Variants in RUNDC3B observed in about 807,000 individuals in gnomAD.
RUNDC3B encodes RUN domain-containing protein 3B.
A neutral mutation model predicts 58.4 loss-of-function variants in RUNDC3B; 33 were observed. The ratio of observed to expected loss-of-function variants is 0.56; its 90% CI spans 0.43 to 0.75. The LOEUF is 0.75. Among genes scored for constraint, RUNDC3B ranks in the 30% least tolerant of loss-of-function variants. The pLI, the probability that RUNDC3B is intolerant of heterozygous loss-of-function variation, is 0.00. For synonymous variants in RUNDC3B, 193 were observed against 195.2 expected (o/e 0.99, Z 0.10); for missense variants, 501 against 535.7 (o/e 0.94, Z 0.64).
Position 87,711,067 on chromosome 7 carries a change from C to T in RUNDC3B, c.458+412C>T, listed in dbSNP as rs10274678. 6.6e-3 allele frequency among the ~76,000 whole-genome samples: 999 copies of T among 152,110 alleles called. 11 individuals are homozygous for T. The highest frequency in any genetic ancestry group is 0.023 in the African/African-American group (959 of 41,492). ...ATTGGCCGGGCACGGTGGCTCACAC[C>T]TATAATCCCAGCACTTTGGGAGGCC... On this transcript the variant is annotated intron_variant, in intron 4 of 10. Coordinates refer to ENST00000394654, the MANE Select transcript of RUNDC3B (RefSeq NM_001134405.2).
intron 2 of RUNDC3B, among the ~76,000 whole-genome samples, chr7:87,678,289 G>T (rs1018392810): frequency 6.6e-6 from 1 of 152,170 alleles, no homozygotes; most frequent in Non-Finnish European, 1.5e-5. Flanking sequence ...TTATGGCATT[G>T]CTGGGGAAGG....
intron 2 of RUNDC3B, among the ~76,000 whole-genome samples, chr7:87,661,599 C>T (rs898156315): frequency 6.6e-6 from 1 of 151,850 alleles, no homozygotes; most frequent in African/African-American, 2.4e-5. Flanking sequence ...ATGATAGGAT[C>T]TCATTTTTTT....
At chr7:87,723,108 AAGT>A (rs1370222066) in intron 4 of RUNDC3B, among the ~76,000 whole-genome samples, 2 of 152,230 alleles carry the variant, frequency 1.3e-5, no homozygotes, top group Non-Finnish European at 2.9e-5. Flanking sequence ...TGAAACATAA[AAGT>A]AGGAGAATGC....
At chr7:87,783,607 T>C (rs1325579038) in intron 8 of RUNDC3B, among the ~76,000 whole-genome samples, 2 of 152,222 alleles carry the variant, frequency 1.3e-5, no homozygotes, top group African/African-American at 2.4e-5. Context: ...GCAGGCTATG[T>C]ATTTAAGTGT....
chr7:87,782,611 T>A (rs1392832261), intron 8 of RUNDC3B, among the ~76,000 whole-genome samples: 1 of 152,144 alleles, frequency 6.6e-6, no homozygotes, highest in South Asian at 2.1e-4. Context: ...CATTTAGTGA[T>A]AAAAACTTTT....
At chr7:87,726,802 C>T (rs1462918022) in intron 4 of RUNDC3B, among the ~76,000 whole-genome samples, 1 of 152,184 alleles carries the variant, frequency 6.6e-6, no homozygotes, top group Non-Finnish European at 1.5e-5. Context: ...AGGTCCTTCA[C>T]ATCCCTTGTA....
intron 2 of RUNDC3B, among the ~76,000 whole-genome samples, chr7:87,693,160 T>C (rs1468968971): frequency 6.6e-6 from 1 of 152,162 alleles, no homozygotes; most frequent in Non-Finnish European, 1.5e-5. Flanking sequence ...TTTTCCCATA[T>C]TGTTATACTA....
chr7:87,717,561 C>T lies in RUNDC3B; in HGVS notation c.458+6906C>T, dbSNP rs529423053. 3.4e-4 allele frequency among the ~76,000 whole-genome samples: 51 copies of T among 152,136 alleles called. 1 individual carries two copies. Among genetic ancestry groups the T allele is most frequent in the African/African-American group, 1.1e-3 (46 of 41,536 alleles). On this transcript the variant is annotated intron_variant, in intron 4 of 10. Coordinates refer to ENST00000394654, the MANE Select transcript of RUNDC3B (RefSeq NM_001134405.2). ...TGATGCATTTAAAAAATCCTACAAT[C>T]TCTCTGTTATATATTTGAAAGATAT...
At chr7:87,751,471 AAT>A (rs1324013996) in intron 6 of RUNDC3B, among the ~76,000 whole-genome samples, 4 of 152,188 alleles carry the variant, frequency 2.6e-5, no homozygotes, top group Non-Finnish European at 5.9e-5. Context: ...TACCTTGGGC[AAT>A]ATGGCCATTT....
At chr7:87,676,703 C>CAAAA (rs57480483) in intron 2 of RUNDC3B, among the ~76,000 whole-genome samples, 4 of 45,432 alleles carry the variant, frequency 8.8e-5, no homozygotes, top group Non-Finnish European at 1.3e-4. Context: ...GACCCTGTCT[C>CAAAA]AAAAAAAAAA....
intron 1 of RUNDC3B, among the ~76,000 whole-genome samples, chr7:87,632,916 T>C (rs950666180): frequency 6.6e-6 from 1 of 152,190 alleles, no homozygotes; most frequent in East Asian, 1.9e-4. Flanking sequence ...CCATGCAAAG[T>C]CATAATTTTC....
Position 87,831,281 on chromosome 7 carries a change from T to C in RUNDC3B, c.*1251T>C, listed in dbSNP as rs1838114011. 6.6e-6 allele frequency: 1 copy of C among 151,876 alleles called. No individual in the cohort carries two copies. The highest frequency in any genetic ancestry group is 1.5e-5 in the Non-Finnish European group (1 of 67,846). 9.4% of individuals were successfully genotyped at this position (151,876 alleles called of 1,614,324 possible). ...TGAGGCCACAGTACTTACTGAGGAC[T>C]TCATATGGTTTTTTTGTTTATTATT... On this transcript the variant is annotated 3_prime_UTR_variant, in exon 11 of 11. Coordinates refer to ENST00000394654, the MANE Select transcript of RUNDC3B (RefSeq NM_001134405.2).
intron 1 of RUNDC3B, among the ~76,000 whole-genome samples, chr7:87,645,981 A>T (rs1318339684): frequency 6.6e-6 from 1 of 152,196 alleles, no homozygotes; most frequent in East Asian, 1.9e-4. Context: ...TATAATAGAA[A>T]TTTTTGTAAT....
chr7:87,710,354 G>T (rs1829965944), intron 3 of RUNDC3B, among the ~76,000 whole-genome samples: 1 of 152,060 alleles, frequency 6.6e-6, no homozygotes, highest in South Asian at 2.1e-4. Context: ...TAGAAAGTTA[G>T]TTTGACATGC....
At chr7:87,756,627 C>T (rs28645115) in intron 6 of RUNDC3B, among the ~76,000 whole-genome samples, 21,934 of 151,900 alleles carry the variant, frequency 0.14, 2,528 homozygotes, top group African/African-American at 0.32. Flanking sequence ...AAGTAGTAGT[C>T]TGAATAAGTG....
intron 8 of RUNDC3B, among the ~76,000 whole-genome samples, chr7:87,794,608 G>A (rs1835709731): frequency 6.7e-6 from 1 of 149,172 alleles, no homozygotes; most frequent in African/African-American, 2.5e-5. Context: ...AAATACCAAT[G>A]AGAGTCTTTA....
intron 6 of RUNDC3B, among the ~76,000 whole-genome samples, chr7:87,767,282 C>T (rs1834025191): frequency 6.6e-6 from 1 of 152,146 alleles, no homozygotes; most frequent in Non-Finnish European, 1.5e-5. Flanking sequence ...CTAGTGTAAT[C>T]CTTTGGAGAT....
At chr7:87,725,466 A>G (rs997552677) in intron 4 of RUNDC3B, among the ~76,000 whole-genome samples, 1 of 152,166 alleles carries the variant, frequency 6.6e-6, no homozygotes, top group Non-Finnish European at 1.5e-5. Flanking sequence ...TATGTGTGCC[A>G]CATTTTCTTA....
intron 6 of RUNDC3B, among the ~76,000 whole-genome samples, chr7:87,746,205 C>T (rs149348690): frequency 7.9e-4 from 120 of 152,144 alleles, no homozygotes; most frequent in African/African-American, 2.7e-3. Flanking sequence ...TATTGAGGTT[C>T]ATTTTATGGC....
Sources: allele counts gnomAD v4.1 joint callset (sites outside exome capture counted in the v4.1 genomes callset), GRCh38; gene constraint gnomAD v4.1.1; transcripts MANE v1.5; gene names NCBI Gene and HGNC (gene_info 2026-07-23, HGNC 2026-07-21).